NF1: variants seen among roughly 807,000 people sequenced by gnomAD.
NF1 encodes the protein neurofibromin 1.
Under a neutral mutation model 325.7 loss-of-function variants are expected in NF1, and 122 were observed. The ratio of observed to expected loss-of-function variants is 0.37; its 90% CI spans 0.32 to 0.44. The LOEUF (loss-of-function observed/expected upper bound fraction) is 0.44, where lower values mean the gene tolerates loss of function less well. Ranked by LOEUF, NF1 falls within the 20% of genes least tolerant of loss-of-function variation. NF1 has a pLI of 1.00. For synonymous variants in NF1, 1,091 were observed against 1,186.0 expected, an observed-to-expected ratio of 0.92 and a Z score of 1.65; for missense variants, 2,140 against 3,415.4, an observed-to-expected ratio of 0.63 and a Z score of 9.31.
In NF1 at chr17:31,375,370, G is replaced by C. The variant is rs758928329; in HGVS notation, c.*1215G>C. 4.3e-6 allele frequency: 1 copy of C among 230,990 alleles called. No individual in the cohort carries two copies. Among genetic ancestry groups the C allele is most frequent in the Non-Finnish European group, 8.6e-6 (1 of 116,386 alleles). 14.3% of individuals were successfully genotyped at this position (230,990 alleles called of 1,614,324 possible). A position where few individuals can be genotyped will look rare whatever the true frequency, so the allele number is the denominator to read the frequency against. ...TTAATCACTGTGAAAAGACTGGTCA[G>C]CCTGCATTAGTATGACAGTAGGGGG... is the stretch of plus-strand genomic sequence containing the variant. On this transcript the variant is annotated 3_prime_UTR_variant, in exon 58 of 58. Transcript: ENST00000358273.
At chr17:31,290,157 G>T (rs1246592419) in intron 36 of NF1, among the ~76,000 whole-genome samples, 1 of 151,756 alleles carries the variant, frequency 6.6e-6, no homozygotes, top group Non-Finnish European at 1.5e-5. Flanking sequence ...TTATCAGGCT[G>T]GTTGTTTCAG....
At chr17:31,354,167 A>G (rs766490185) in intron 51 of NF1, among the ~76,000 whole-genome samples, 1 of 152,252 alleles carries the variant, frequency 6.6e-6, no homozygotes, top group African/African-American at 2.4e-5. Context: ...TCCAAGACTT[A>G]TAATCAGCCA....
Position 31,156,124 on chromosome 17 carries a change from ATGG to A in NF1, c.204+1_204+3del. 6.2e-7 allele frequency: 1 copy of A among 1,613,712 alleles called. No individual in the cohort carries two copies. ...TACTATTTTAAAGAATGTTAACAAT[ATGG>A]TGAGTATTTGGGTTACTGTGTTTTG... On this transcript the variant is annotated splice_donor_variant and coding_sequence_variant, in exon 2 of 58. Transcript: ENST00000358273. LOFTEE classifies it high-confidence loss of function.
intron 12 of NF1, among the ~76,000 whole-genome samples, chr17:31,212,506 G>A (rs1225252570): frequency 2.6e-5 from 4 of 152,118 alleles, no homozygotes; most frequent in African/African-American, 9.7e-5. Context: ...ATCAGGAGTC[G>A]AGACCAGCCT....
rs144234049 is a variant in NF1 at position 31,237,548 on chromosome 17, A to T, written c.3974+1527A>T. Among the ~76,000 whole-genome samples, 508 of 152,132 alleles carry T rather than the reference A, an allele frequency of 3.3e-3. 5 individuals are homozygous for T. The highest frequency in any genetic ancestry group is 0.012 in the African/African-American group (490 of 41,524). ...TGCTGTGGCCTCCCAAAGTGCTGGG[A>T]TTACAGATGTGAGCCACCACGCCTG... On this transcript the variant is annotated intron_variant, in intron 29 of 57. Coordinates refer to ENST00000358273, the MANE Select transcript of NF1 (RefSeq NM_001042492.3).
At position 31,327,671 on chromosome 17, in the gene NF1, A is replaced by G; in HGVS notation, c.5441A>G (p.His1814Arg). The change falls in exon 38 of 58, where the codon CAC becomes CGC. Residue 1814 changes from histidine to arginine, a missense_variant. Physicochemically the swap from His to Arg is conservative, Grantham distance 29. Transcript: ENST00000358273. ...ANQGTPLTFMHQECEAIVQSI... is the reference protein window; with the variant it reads ...ANQGTPLTFMRQECEAIVQSI... Reference sequence around the variant, plus strand: ...CAGGGCACGCCGCTCACCTTCATGCACCAGGAGTGTGAAGCCATTGTCCAG... The same window carrying G: ...CAGGGCACGCCGCTCACCTTCATGCGCCAGGAGTGTGAAGCCATTGTCCAG... The G allele has an allele frequency of 6.2e-7, 1 of 1,614,172 alleles. No homozygotes were observed. Among genetic ancestry groups the G allele is most frequent in the Non-Finnish European group, 8.5e-7 (1 of 1,180,026 alleles).
chr17:31,169,853 C>G (rs1354450121), intron 4 of NF1, 38 bp from the exon 5 acceptor site: 1 of 1,430,106 alleles, frequency 7.0e-7, no homozygotes, highest in South Asian at 1.1e-5. Context: ...TCCCCTAATA[C>G]TTAATTTGAT....
intron 48 of NF1, 142 bp downstream of exon 48, chr17:31,343,277 G>A (rs2069875628): frequency 1.2e-6 from 1 of 800,672 alleles, no homozygotes; most frequent in Non-Finnish European, 2.0e-6. Flanking sequence ...AGGCGTGGTG[G>A]CTCACGTCTG....
At chr17:31,154,320 G>A (rs1447752646) in intron 1 of NF1, among the ~76,000 whole-genome samples, 1 of 152,082 alleles carries the variant, frequency 6.6e-6, no homozygotes, top group Non-Finnish European at 1.5e-5. Flanking sequence ...GTCTCCCAAA[G>A]TTCTGGGATT....
chr17:31,247,193 CAA>C (rs10564306), intron 29 of NF1, among the ~76,000 whole-genome samples: 43,806 of 93,596 alleles, frequency 0.47, 7,095 homozygotes, highest in African/African-American at 0.59. Context: ...GACTCCATCT[CAA>C]AAAAAAAAAA....
chr17:31,205,517 A>T lies in NF1; in HGVS notation c.1261-723A>T, dbSNP rs993443588. Among the ~76,000 whole-genome samples, 9 of 152,158 alleles carry T rather than the reference A, an allele frequency of 5.9e-5. No individual in the cohort carries two copies. The South Asian group carries it at 6.2e-4, about 10-fold the overall frequency. ...CAAGTAATTCATTTTAAAGTTAAAG[A>T]TACACTTCCAAATAAAATAGGCACT... On this transcript the variant is annotated intron_variant, in intron 11 of 57. Transcript: ENST00000358273.
chr17:31,123,059 G>A (rs1018980735), intron 1 of NF1, among the ~76,000 whole-genome samples: 1 of 152,186 alleles, frequency 6.6e-6, no homozygotes, highest in African/African-American at 2.4e-5. Context: ...TGCTTGAACT[G>A]CCATGTTAAA....
intron 1 of NF1, among the ~76,000 whole-genome samples, chr17:31,099,072 C>T (rs1912059352): frequency 6.6e-6 from 1 of 152,134 alleles, no homozygotes; most frequent in African/African-American, 2.4e-5. Flanking sequence ...TAAGAGTTTG[C>T]CTGTTGGACC....
At chr17:31,214,722 A>C (rs2066791000) in intron 13 of NF1, 137 bp downstream of exon 13, 1 of 722,580 alleles carries the variant, frequency 1.4e-6, no homozygotes, top group African/African-American at 1.8e-5. Flanking sequence ...GAAAACTAAG[A>C]CGTCTCTAAG....
At chr17:31,295,297 T>C in intron 36 of NF1, 1 of 1,614,170 alleles carries the variant, frequency 6.2e-7, no homozygotes, top group Non-Finnish European at 8.5e-7. Flanking sequence ...CTGCTTCATG[T>C]GAATTGATAG....
intron 5 of NF1, among the ~76,000 whole-genome samples, chr17:31,174,555 T>C (rs1173970650): frequency 1.3e-5 from 2 of 152,192 alleles, no homozygotes; most frequent in African/African-American, 4.8e-5. Flanking sequence ...AGAAATAACC[T>C]CAGTGTTAAA....
chr17:31,201,167 C>G lies in NF1; in HGVS notation c.1185+8C>G, dbSNP rs1041153819. The G allele has an allele frequency of 6.2e-7, 1 of 1,613,844 alleles. No individual in the cohort carries two copies. Among genetic ancestry groups the G allele is most frequent in the Non-Finnish European group, 8.5e-7 (1 of 1,179,956 alleles). ...AACAACCAACACTTTAAGGTGAGAG[C>G]ATTGGTTTTTATCTAACTATATTTA... On this transcript the variant is annotated splice_region_variant and intron_variant, in intron 10 of 57. Coordinates refer to ENST00000358273, the MANE Select transcript of NF1 (RefSeq NM_001042492.3).
At chr17:31,230,749 T>A in intron 23 of NF1, 93 bp from the exon 24 acceptor site, 2 of 979,780 alleles carry the variant, frequency 2.0e-6, no homozygotes, top group Non-Finnish European at 3.2e-6. Context: ...TCTGGCAAAT[T>A]ATTTGCACTA....
At chr17:31,223,605 TTGGAA>T (rs751175642) in intron 16 of NF1, 38 bp downstream of exon 16, 5 of 1,591,940 alleles carry the variant, frequency 3.1e-6, no homozygotes, top group Non-Finnish European at 4.3e-6. Context: ...GGAAGAATAT[TTGGAA>T]TGGTAATGGT....
Sources: gnomAD v4.1 joint callset for allele counts (sites outside exome capture counted in the v4.1 genomes callset) on GRCh38, gnomAD v4.1.1 for gene constraint, MANE v1.5 for transcripts, NCBI Gene and HGNC (gene_info 2026-07-23, HGNC 2026-07-21) for gene names.